Variants in CACNB2 observed in about 807,000 individuals in gnomAD.
CACNB2 encodes the protein voltage-dependent L-type calcium channel subunit beta-2.
CACNB2 carries 42 observed loss-of-function variants against 73.3 expected under a neutral mutation model. The ratio of observed to expected loss-of-function variants is 0.57; its 90% confidence interval spans 0.45 to 0.74. The LOEUF (loss-of-function observed/expected upper bound fraction) is 0.74, where lower values mean the gene tolerates loss of function less well. Ranked by LOEUF, CACNB2 falls within the 30% of genes least tolerant of loss-of-function variation. The pLI is 0.00. For missense variants in CACNB2, 940 were observed against 853.0 expected (o/e 1.10, Z -1.27); for synonymous variants, 348 against 310.3 (o/e 1.12, Z -1.28).
intron 2 of CACNB2, among the ~76,000 whole-genome samples, chr10:18,211,192 G>A (rs1286344947): frequency 6.6e-6 from 1 of 152,118 alleles, no homozygotes; most frequent in Admixed American, 6.6e-5. Context: ...GAAACAGAGG[G>A]GTAGAGAAAG....
At chr10:18,513,493 T>A in intron 6 of CACNB2, 1 of 302,108 alleles carries the variant, frequency 3.3e-6, no homozygotes, top group Non-Finnish European at 6.6e-6. Context: ...GTCCCTCGTC[T>A]CCTTTGCAAA....
At chr10:18,412,025 G>A (rs778584222) in intron 3 of CACNB2, among the ~76,000 whole-genome samples, 9 of 152,144 alleles carry the variant, frequency 5.9e-5, no homozygotes, top group Non-Finnish European at 1.2e-4. Context: ...AGGTGACCTG[G>A]GATGGCTTGT....
chr10:18,449,686 G>T (rs916561340), intron 3 of CACNB2, among the ~76,000 whole-genome samples: 1 of 152,208 alleles, frequency 6.6e-6, no homozygotes, highest in Non-Finnish European at 1.5e-5. Flanking sequence ...AACGGAGTCC[G>T]AGCAGTCTAT....
chr10:18,441,981 T>C (rs1171363571), intron 3 of CACNB2, among the ~76,000 whole-genome samples: 1 of 152,208 alleles, frequency 6.6e-6, no homozygotes, highest in East Asian at 1.9e-4. Context: ...GTAATTAATG[T>C]ATCTGCTTTT....
intron 2 of CACNB2, among the ~76,000 whole-genome samples, chr10:18,312,826 A>G (rs1197481585): frequency 1.3e-5 from 2 of 152,168 alleles, no homozygotes; most frequent in African/African-American, 4.8e-5. Context: ...GGGGCATTCA[A>G]ATGGCATCCA....
intron 2 of CACNB2, among the ~76,000 whole-genome samples, chr10:18,347,344 A>ATTTTTTTTTTTTTTTT: frequency 8.3e-6 from 1 of 120,820 alleles, no homozygotes; most frequent in Non-Finnish European, 1.7e-5. Context: ...TGCCCGTCTA[A>ATTTTTTTTTTTTTTTT]TTTTTTTTTT....
At chr10:18,319,816 A>C (rs2040332050) in intron 2 of CACNB2, among the ~76,000 whole-genome samples, 1 of 152,126 alleles carries the variant, frequency 6.6e-6, no homozygotes, top group Non-Finnish European at 1.5e-5. Flanking sequence ...CTGTATGACA[A>C]GGAAATGCCA....
intron 2 of CACNB2, among the ~76,000 whole-genome samples, chr10:18,178,854 T>C (rs1442358368): frequency 6.6e-6 from 1 of 152,214 alleles, no homozygotes; most frequent in Admixed American, 6.5e-5. Flanking sequence ...AGAGGTTGGA[T>C]AGGTCTGGTA....
At chr10:18,460,511 G>A (rs2047513612) in intron 3 of CACNB2, among the ~76,000 whole-genome samples, 1 of 152,096 alleles carries the variant, frequency 6.6e-6, no homozygotes, top group Admixed American at 6.6e-5. Context: ...TACAAGCCTA[G>A]AGATTGAGTT....
At chr10:18,507,528 GT>G (rs2050556635) in intron 6 of CACNB2, among the ~76,000 whole-genome samples, 1 of 152,164 alleles carries the variant, frequency 6.6e-6, no homozygotes, top group South Asian at 2.1e-4. Context: ...CTAAAACATT[GT>G]TTTAAATTCA....
In CACNB2 at chr10:18,179,957, C is replaced by T. The variant is rs545757930; in HGVS notation, c.213+28982C>T. Among the ~76,000 whole-genome samples the T allele has an allele frequency of 3.7e-4, 56 of 152,204 alleles. 1 individual carries two copies. Among genetic ancestry groups the T allele is most frequent in the African/African-American group, 1.2e-3 (49 of 41,538 alleles). On this transcript the variant is annotated intron_variant, in intron 2 of 13. Coordinates refer to ENST00000324631, the MANE Select transcript of CACNB2 (RefSeq NM_201596.3). ...GTATAGATGAGGCTTGCAAAAAGGA[C>T]GTGTCCTGAAGATTCCATTCCTGTG... is the stretch of plus-strand genomic sequence containing the variant.
chr10:18,479,704 GCTC>G (rs2048624193), intron 3 of CACNB2, among the ~76,000 whole-genome samples: 1 of 151,694 alleles, frequency 6.6e-6, no homozygotes, highest in Non-Finnish European at 1.5e-5. Flanking sequence ...TCTCTCGCTC[GCTC>G]GCTCTCTCGC....
chr10:18,533,543 A>G (rs943513624), intron 10 of CACNB2, among the ~76,000 whole-genome samples: 3 of 152,164 alleles, frequency 2.0e-5, no homozygotes, highest in Non-Finnish European at 4.4e-5. Context: ...GTTGGAAAAT[A>G]TGAGGTGTGT....
intron 3 of CACNB2, among the ~76,000 whole-genome samples, chr10:18,429,808 G>GA (rs748893112): frequency 0.11 from 8,010 of 71,614 alleles, 1,095 homozygotes; most frequent in African/African-American, 0.25. Flanking sequence ...CGTCTCTACC[G>GA]AAAAAAAAAA....
chr10:18,213,181 CT>C (rs151297485), intron 2 of CACNB2, among the ~76,000 whole-genome samples: 1,846 of 152,296 alleles, frequency 0.012, 20 homozygotes, highest in African/African-American at 0.029. Flanking sequence ...GAGGAGGCCC[CT>C]GGGACTGCTT....
chr10:18,169,596 A>C (rs1225048304), intron 2 of CACNB2, among the ~76,000 whole-genome samples: 2 of 152,206 alleles, frequency 1.3e-5, no homozygotes, highest in Non-Finnish European at 2.9e-5. Flanking sequence ...ATTCACTTTT[A>C]GGCTTTTGAC....
chr10:18,264,373 T>G (rs2037693683), intron 2 of CACNB2, among the ~76,000 whole-genome samples: 1 of 152,234 alleles, frequency 6.6e-6, no homozygotes, highest in Non-Finnish European at 1.5e-5. Flanking sequence ...TATCGAAGTA[T>G]AACATACATG....
At chr10:18,265,043 C>T (rs1158780742) in intron 2 of CACNB2, among the ~76,000 whole-genome samples, 2 of 151,966 alleles carry the variant, frequency 1.3e-5, no homozygotes, top group African/African-American at 4.8e-5. Context: ...TTTAGCGTGT[C>T]TGATGAGTAT....
intron 2 of CACNB2, among the ~76,000 whole-genome samples, chr10:18,294,018 CA>C: frequency 6.6e-6 from 1 of 152,282 alleles, no homozygotes; most frequent in South Asian, 2.1e-4. Flanking sequence ...GGCCAGTTTC[CA>C]TTTGGATATT....
Sources: gnomAD v4.1 joint callset for allele counts (sites outside exome capture counted in the v4.1 genomes callset) on GRCh38, gnomAD v4.1.1 for gene constraint, MANE v1.5 for transcripts, NCBI Gene and HGNC (gene_info 2026-07-23, HGNC 2026-07-21) for gene names.